The following SCN8A variants were observed in gnomAD, a reference collection of about 807,000 sequenced individuals.
SCN8A encodes the protein sodium channel protein type 8 subunit alpha.
A neutral mutation model predicts 184.1 loss-of-function variants in SCN8A; 30 were observed. That is an observed-to-expected ratio of 0.16 (90% CI 0.12 to 0.22). The LOEUF (loss-of-function observed/expected upper bound fraction) is 0.22, where lower values mean the gene tolerates loss of function less well. Among genes scored for constraint, SCN8A ranks in the 10% least tolerant of loss-of-function variants. The pLI is 1.00. For missense variants in SCN8A, 1,057 were observed against 2,498.9 expected, an observed-to-expected ratio of 0.42 and a Z score of 12.30; for synonymous variants, 852 against 907.0, an observed-to-expected ratio of 0.94 and a Z score of 1.09.
Position 51,789,355 on chromosome 12 carries a change from C to G in SCN8A, c.4356C>G (p.Ser1452=). The change falls in exon 24 of 27, where the codon TCC becomes TCG. Residue 1452 remains serine, a synonymous_variant. Coordinates refer to ENST00000627620, the MANE Select transcript of SCN8A (RefSeq NM_001330260.2). ...TTGTCATCTTCATCATCTTCGGCTC[C>G]TTCTTCACCCTGAACCTGTTCATTG... ...IYFVIFIIFG[S]FFTLNLFIGV... is the part of the protein sequence containing the mutation. The G allele has an allele frequency of 6.2e-7, 1 of 1,614,070 alleles. No individual in the cohort carries two copies. The highest frequency in any genetic ancestry group is 8.5e-7 in the Non-Finnish European group (1 of 1,179,930).
At chr12:51,623,922 T>C (rs1424512429) in intron 1 of SCN8A, among the ~76,000 whole-genome samples, 2 of 152,230 alleles carry the variant, frequency 1.3e-5, no homozygotes, top group African/African-American at 4.8e-5. Flanking sequence ...GCTTCATCCA[T>C]GTCCCTACAA....
intron 11 of SCN8A, among the ~76,000 whole-genome samples, chr12:51,715,905 T>G (rs75579244): frequency 3.7e-4 from 56 of 152,288 alleles, no homozygotes; most frequent in African/African-American, 1.1e-3. Context: ...TGCATGTTAA[T>G]TAAGTTAAAC....
chr12:51,735,767 A>G (rs1211751655), intron 12 of SCN8A, among the ~76,000 whole-genome samples: 1 of 151,990 alleles, frequency 6.6e-6, no homozygotes, highest in African/African-American at 2.4e-5. Context: ...ATCCTCCTGG[A>G]GTCTCTTCCT....
At chr12:51,614,876 G>A (rs944106055) in intron 1 of SCN8A, among the ~76,000 whole-genome samples, 1 of 149,902 alleles carries the variant, frequency 6.7e-6, no homozygotes, top group Non-Finnish European at 1.5e-5. Context: ...TTTTACATGA[G>A]ATGTACCCTC....
At chr12:51,717,440 A>G (rs1454442835) in intron 11 of SCN8A, among the ~76,000 whole-genome samples, 1 of 152,246 alleles carries the variant, frequency 6.6e-6, no homozygotes, top group African/African-American at 2.4e-5. Flanking sequence ...AATTGTTACA[A>G]AAGTTTCTAA....
chr12:51,653,221 G>A (rs1281934629), intron 1 of SCN8A, among the ~76,000 whole-genome samples: 1 of 152,148 alleles, frequency 6.6e-6, no homozygotes, highest in Non-Finnish European at 1.5e-5. Context: ...TTGGGAGGCT[G>A]AGACAGGAGA....
intron 20 of SCN8A, among the ~76,000 whole-genome samples, chr12:51,779,447 A>AC (rs891896060): frequency 2.6e-5 from 4 of 152,136 alleles, no homozygotes; most frequent in African/African-American, 4.8e-5. Flanking sequence ...AAAGTGTTTG[A>AC]CCATACGTCT....
In SCN8A at chr12:51,773,238, T is replaced by C. The variant is rs117174184; in HGVS notation, c.3646-951T>C. 2.7e-3 allele frequency among the ~76,000 whole-genome samples: 416 copies of C among 152,296 alleles called. 6 individuals carry two copies. The East Asian group carries it at 0.041, about 15-fold the overall frequency. On this transcript the variant is annotated intron_variant, in intron 19 of 26. Coordinates refer to ENST00000627620, the MANE Select transcript of SCN8A (RefSeq NM_001330260.2). ...GCTGTTCAGAGCAAGCACTTCCCAT[T>C]GTATCACAGAGGACTTCCTCCCCAC...
rs972820890 is a variant in SCN8A at position 51,810,957 on chromosome 12, A to G, written c.*3528A>G. ...GTTCTTTTATTTTTTGCTGCAACCA[A>G]CGTAAACCTGTAAAAGACCAACAGT... is the stretch of plus-strand genomic sequence containing the variant. On this transcript the variant is annotated 3_prime_UTR_variant, in exon 27 of 27. Coordinates refer to ENST00000627620, the MANE Select transcript of SCN8A (RefSeq NM_001330260.2). The G allele has an allele frequency of 5.4e-4, 82 of 152,346 alleles. No individual in the cohort carries two copies. The highest frequency in any genetic ancestry group is 1.7e-3 in the African/African-American group (71 of 41,566). 9.4% of individuals were successfully genotyped at this position (152,346 alleles called of 1,614,324 possible).
chr12:51,801,924 A>G (rs1337003003), intron 26 of SCN8A, among the ~76,000 whole-genome samples: 1 of 152,082 alleles, frequency 6.6e-6, no homozygotes, highest in African/African-American at 2.4e-5. Flanking sequence ...GCATGGTGGC[A>G]TGCACCTGTA....
At chr12:51,595,566 T>C (rs1939329132) in intron 1 of SCN8A, among the ~76,000 whole-genome samples, 1 of 152,222 alleles carries the variant, frequency 6.6e-6, no homozygotes, top group Non-Finnish European at 1.5e-5. Context: ...GTATTGGCTT[T>C]GTGACCTTGG....
chr12:51,643,550 T>C (rs1316086121), intron 1 of SCN8A, among the ~76,000 whole-genome samples: 6 of 152,196 alleles, frequency 3.9e-5, no homozygotes, highest in African/African-American at 9.6e-5. Flanking sequence ...CAGATCTATA[T>C]TGTTGAAAGA....
intron 12 of SCN8A, among the ~76,000 whole-genome samples, chr12:51,741,552 T>G (rs1256512982): frequency 2.0e-4 from 30 of 152,150 alleles, no homozygotes; most frequent in Admixed American, 2.0e-3. Context: ...TTCCCTTCCT[T>G]CCTTGTCTTC....
rs190254722 is a variant in SCN8A, at chr12:51,794,534, T to G, written c.4688T>G (p.Ile1563Ser). The G allele has an allele frequency of 6.2e-7, 1 of 1,614,054 alleles. No homozygotes were observed. Among genetic ancestry groups the G allele is most frequent in the African/African-American group, 1.3e-5 (1 of 75,060 alleles). ...ILYWINLVFV[I>S]FFTCECVLKM... ...TACTGGATTAACCTGGTGTTTGTTA[T>G]CTTCTTCACCTGTGAGTGTGTGCTC... The change falls in exon 26 of 27, where the codon ATC becomes AGC. Residue 1563 changes from isoleucine (I) to serine (S), a missense_variant. Around this residue, in one of 19 missense-constraint regions of SCN8A, gnomAD observed 34 missense variants for 64.0 expected, o/e 0.53. Coordinates refer to ENST00000627620, the MANE Select transcript of SCN8A (RefSeq NM_001330260.2).
At chr12:51,699,885 G>A (rs1941655693) in intron 7 of SCN8A, 94 bp downstream of exon 7, 1 of 1,076,124 alleles carries the variant, frequency 9.3e-7, no homozygotes, top group Non-Finnish European at 1.4e-6. Flanking sequence ...AGTAGTTGGA[G>A]GCCGGGCGCG....
intron 11 of SCN8A, among the ~76,000 whole-genome samples, chr12:51,709,067 A>G (rs1941829968): frequency 6.6e-6 from 1 of 152,210 alleles, no homozygotes; most frequent in African/African-American, 2.4e-5. Flanking sequence ...TTTTCTGGGA[A>G]AGGTAAATTT....
intron 25 of SCN8A, among the ~76,000 whole-genome samples, chr12:51,792,191 T>C (rs1837803952): frequency 1.3e-5 from 2 of 151,578 alleles, no homozygotes; most frequent in South Asian, 4.2e-4. Context: ...CTTGAGTGGA[T>C]GAGAAGGAAC....
At chr12:51,714,249 G>A (rs1941929423) in intron 11 of SCN8A, among the ~76,000 whole-genome samples, 1 of 152,146 alleles carries the variant, frequency 6.6e-6, no homozygotes, top group African/African-American at 2.4e-5. Flanking sequence ...GTTGTGACGT[G>A]GAAACTATAA....
At chr12:51,635,241 C>T (rs1036785853) in intron 1 of SCN8A, among the ~76,000 whole-genome samples, 1 of 152,336 alleles carries the variant, frequency 6.6e-6, no homozygotes, top group East Asian at 1.9e-4. Context: ...TAGAAAACTA[C>T]CCCTTCCCTC....
Sources: allele counts gnomAD v4.1 joint callset (sites outside exome capture counted in the v4.1 genomes callset), GRCh38; gene constraint gnomAD v4.1.1; regional missense constraint gnomAD v4.1.1; transcripts MANE v1.5; gene names NCBI Gene and HGNC (gene_info 2026-07-23, HGNC 2026-07-21).